SCAI: variants seen among roughly 807,000 people sequenced by gnomAD.
SCAI encodes the protein protein SCAI.
In SCAI, 24 loss-of-function variants were observed where a neutral mutation model predicts 92.2. That is an observed-to-expected ratio of 0.26 (90% CI 0.19 to 0.37). The LOEUF is 0.37. Among genes scored for constraint, SCAI ranks in the 10% least tolerant of loss-of-function variants. The pLI is 1.00. For missense variants in SCAI, 450 were observed against 736.2 expected, an observed-to-expected ratio of 0.61 and a Z score of 4.50; for synonymous variants, 261 against 258.6, an observed-to-expected ratio of 1.01 and a Z score of -0.09.
At chr9:125,009,317 T>G (rs909444865) in intron 9 of SCAI, among the ~76,000 whole-genome samples, 23 of 152,364 alleles carry the variant, frequency 1.5e-4, no homozygotes, top group Admixed American at 1.4e-3. Flanking sequence ...TTGCCCAGGC[T>G]GCAGTGCAGC....
chr9:124,984,195 T>C (rs868270199), intron 14 of SCAI, among the ~76,000 whole-genome samples: 4 of 152,142 alleles, frequency 2.6e-5, no homozygotes, highest in African/African-American at 9.7e-5. Flanking sequence ...GATGACTGCC[T>C]GATATGTTTC....
intron 2 of SCAI, among the ~76,000 whole-genome samples, chr9:125,134,958 G>A (rs1256018884): frequency 6.6e-6 from 1 of 152,162 alleles, no homozygotes; most frequent in South Asian, 2.1e-4. Flanking sequence ...TTACAGGCAT[G>A]AGCCACCACG....
chr9:125,115,108 C>G (rs1835012541), intron 2 of SCAI, among the ~76,000 whole-genome samples: 1 of 151,844 alleles, frequency 6.6e-6, no homozygotes, highest in South Asian at 2.1e-4. Flanking sequence ...CGCGGTGGTT[C>G]ATGCCTGTAA....
At chr9:125,122,625 C>T (rs1039367351) in intron 2 of SCAI, among the ~76,000 whole-genome samples, 37 of 145,290 alleles carry the variant, frequency 2.5e-4, no homozygotes, top group African/African-American at 9.4e-4. Flanking sequence ...GCTGGTTGTG[C>T]ACTGTGCAGT....
chr9:124,945,627 C>T lies in SCAI; in HGVS notation c.*7180G>A, dbSNP rs1831134027. The T allele has an allele frequency of 1.3e-5, 2 of 152,026 alleles. No individual in the cohort carries two copies. Among genetic ancestry groups the T allele is most frequent in the Non-Finnish European group, 2.9e-5 (2 of 68,008 alleles). The allele number at this position is 152,026 out of a possible 1,614,324, so 9.4% of individuals were successfully genotyped here. A position where few individuals can be genotyped will look rare whatever the true frequency, so the allele number is the denominator to read the frequency against. ...AAATATTTTAAAATTAAGAATGGTGCTTCAATCAGTTATTAAATTAGTTAT... is the reference window on the plus strand; with the variant it reads ...AAATATTTTAAAATTAAGAATGGTGTTTCAATCAGTTATTAAATTAGTTAT... On this transcript the variant is annotated 3_prime_UTR_variant, in exon 18 of 18. Coordinates refer to ENST00000336505, the MANE Select transcript of SCAI (RefSeq NM_001144877.3).
intron 2 of SCAI, among the ~76,000 whole-genome samples, chr9:125,131,128 G>A (rs768723853): frequency 2.0e-5 from 3 of 151,538 alleles, no homozygotes; most frequent in Non-Finnish European, 4.4e-5. Flanking sequence ...TATTAGCACT[G>A]GGCGCAGTGG....
intron 17 of SCAI, among the ~76,000 whole-genome samples, chr9:124,964,181 G>T (rs1335950724): frequency 6.6e-6 from 1 of 152,152 alleles, no homozygotes; most frequent in Admixed American, 6.6e-5. Flanking sequence ...GTTGTCTAAT[G>T]TCCATTTGTT....
At chr9:125,141,919 C>G (rs1453631395) in intron 2 of SCAI, among the ~76,000 whole-genome samples, 1 of 152,040 alleles carries the variant, frequency 6.6e-6, no homozygotes, top group African/African-American at 2.4e-5. Context: ...AGTAGATGCT[C>G]AATAAAATTA....
rs573256387 is a variant in SCAI at position 125,028,284 on chromosome 9, T to C, written c.413+108A>G. The C allele has an allele frequency of 1.3e-5, 8 of 630,460 alleles. No homozygotes were observed. In the Admixed American group the frequency reaches 2.7e-4, roughly 21 times the overall value. The allele number at this position is 630,460 out of a possible 1,614,324, so 39.1% of individuals were successfully genotyped here. A position where few individuals can be genotyped will look rare whatever the true frequency, so the allele number is the denominator to read the frequency against. ...GTCCGAACTACTAGAGTTTCATTTGTAACTCGTGATTTTCATGCCTAGCAA... is the reference window on the plus strand; with the variant it reads ...GTCCGAACTACTAGAGTTTCATTTGCAACTCGTGATTTTCATGCCTAGCAA... On this transcript the variant is annotated intron_variant, in intron 5 of 17. Transcript: ENST00000336505.
At chr9:124,992,961 T>A (rs775007995) in intron 14 of SCAI, among the ~76,000 whole-genome samples, 4 of 152,204 alleles carry the variant, frequency 2.6e-5, no homozygotes, top group Non-Finnish European at 5.9e-5. Flanking sequence ...GCACATACAA[T>A]GAATGGTATT....
intron 17 of SCAI, chr9:124,968,518 C>G: frequency 1.2e-6 from 1 of 856,196 alleles, no homozygotes; most frequent in South Asian, 1.3e-5. Context: ...AGATCTCTAC[C>G]CAGTTTACCA....
chr9:125,120,338 C>T (rs375859935), intron 2 of SCAI, among the ~76,000 whole-genome samples: 94 of 152,224 alleles, frequency 6.2e-4, no homozygotes, highest in African/African-American at 2.1e-3. Flanking sequence ...TTCTCCTCCC[C>T]ATGATGAAAT....
chr9:124,984,037 G>A (rs775984626), intron 14 of SCAI, among the ~76,000 whole-genome samples: 9 of 152,190 alleles, frequency 5.9e-5, no homozygotes, highest in Non-Finnish European at 1.3e-4. Flanking sequence ...AGGTGGATGA[G>A]GAGTACTGGG....
At chr9:125,023,898 G>A (rs16927816) in intron 6 of SCAI, among the ~76,000 whole-genome samples, 2,539 of 151,986 alleles carry the variant, frequency 0.017, 72 homozygotes, top group African/African-American at 0.059. Flanking sequence ...AATCAAGCCC[G>A]ATAACCTGAA....
Position 125,020,661 on chromosome 9 carries a change from A to G in SCAI, c.609+12T>C. 8.6e-7 allele frequency: 1 copy of G among 1,158,276 alleles called. No individual in the cohort carries two copies. 71.7% of individuals were successfully genotyped at this position (1,158,276 alleles called of 1,614,324 possible). A position where few individuals can be genotyped will look rare whatever the true frequency, so the allele number is the denominator to read the frequency against. On this transcript the variant is annotated intron_variant, in intron 7 of 17. Transcript: ENST00000336505. ...TAGAGATTAGAATTTGAACTATTTA[A>G]AGTGTATTTACCTTTACCAGATCCT...
intron 9 of SCAI, among the ~76,000 whole-genome samples, chr9:125,006,293 A>C (rs1588146881): frequency 6.6e-6 from 1 of 152,182 alleles, no homozygotes; most frequent in African/African-American, 2.4e-5. Flanking sequence ...AGGTGGGAGG[A>C]TCATTTGAGG....
At chr9:125,096,683 T>C (rs1215645260) in intron 2 of SCAI, among the ~76,000 whole-genome samples, 1 of 152,186 alleles carries the variant, frequency 6.6e-6, no homozygotes, top group Non-Finnish European at 1.5e-5. Flanking sequence ...CCCATAAAAG[T>C]TTATCTCAAC....
chr9:125,100,120 T>C (rs1834648523), intron 2 of SCAI, among the ~76,000 whole-genome samples: 1 of 152,232 alleles, frequency 6.6e-6, no homozygotes, highest in African/African-American at 2.4e-5. Flanking sequence ...CATACTTTAA[T>C]GTAAGATTTT....
intron 2 of SCAI, among the ~76,000 whole-genome samples, chr9:125,118,351 A>G (rs1835093471): frequency 6.6e-6 from 1 of 151,980 alleles, no homozygotes; most frequent in African/African-American, 2.4e-5. Flanking sequence ...ACAACTCTAA[A>G]AAATAAAAAT....
Sources: allele counts gnomAD v4.1 joint callset (sites outside exome capture counted in the v4.1 genomes callset), GRCh38; gene constraint gnomAD v4.1.1; transcripts MANE v1.5; gene names NCBI Gene and HGNC (gene_info 2026-07-23, HGNC 2026-07-21).